FMNL3: variants seen among roughly 807,000 people sequenced by gnomAD.
The protein encoded by FMNL3 is formin like 3.
A neutral mutation model predicts 119.6 loss-of-function variants in FMNL3; 57 were observed. The ratio of observed to expected loss-of-function variants is 0.48; its 90% CI spans 0.39 to 0.59. The LOEUF (loss-of-function observed/expected upper bound fraction) is 0.59. Among genes scored for constraint, FMNL3 ranks in the 20% least tolerant of loss-of-function variants. FMNL3 has a pLI of 0.00. For synonymous variants in FMNL3, 491 were observed against 507.3 expected, an observed-to-expected ratio of 0.97 and a Z score of 0.43; for missense variants, 1,053 against 1,323.5, an observed-to-expected ratio of 0.80 and a Z score of 3.17.
At chr12:49,672,236 C>A (rs1472074424) in intron 1 of FMNL3, among the ~76,000 whole-genome samples, 2 of 152,154 alleles carry the variant, frequency 1.3e-5, no homozygotes, top group Non-Finnish European at 2.9e-5. Context: ...CTTCACTGAT[C>A]CTGCTCTGGC....
intron 1 of FMNL3, among the ~76,000 whole-genome samples, chr12:49,699,844 A>T (rs952795383): frequency 2.0e-5 from 3 of 152,242 alleles, no homozygotes; most frequent in Non-Finnish European, 1.5e-5. Context: ...AATTAATCAA[A>T]CTGGCAAAGG....
At chr12:49,676,021 C>A (rs1944176005) in intron 1 of FMNL3, among the ~76,000 whole-genome samples, 1 of 152,162 alleles carries the variant, frequency 6.6e-6, no homozygotes, top group Non-Finnish European at 1.5e-5. Flanking sequence ...TGACTCCCTA[C>A]CTACTACCTA....
At chr12:49,659,666 G>T in intron 5 of FMNL3, 2 of 625,554 alleles carry the variant, frequency 3.2e-6, no homozygotes, top group Non-Finnish European at 4.0e-6. Context: ...CTCTCATCTT[G>T]GCCTCCCAAA....
At chr12:49,678,641 T>G (rs1028538018) in intron 1 of FMNL3, among the ~76,000 whole-genome samples, 3 of 152,108 alleles carry the variant, frequency 2.0e-5, no homozygotes, top group Non-Finnish European at 4.4e-5. Context: ...TTTTGTATTT[T>G]TAGTAGAGAC....
chr12:49,648,148 G>A (rs935886146), intron 22 of FMNL3, 45 bp downstream of exon 22: 7 of 1,573,972 alleles, frequency 4.4e-6, no homozygotes, highest in Non-Finnish European at 6.0e-6. Context: ...GAGGGGCCTG[G>A]TGCCTTGGCC....
intron 13 of FMNL3, among the ~76,000 whole-genome samples, chr12:49,652,587 C>T (rs566156076): frequency 1.9e-4 from 29 of 152,150 alleles, no homozygotes; most frequent in South Asian, 4.1e-4. Flanking sequence ...TTTCACTTGG[C>T]CTTGTATAAT....
chr12:49,680,619 G>A (rs2138944202), intron 1 of FMNL3, among the ~76,000 whole-genome samples: 1 of 152,270 alleles, frequency 6.6e-6, no homozygotes, highest in East Asian at 1.9e-4. Flanking sequence ...TCGTTTGATT[G>A]TACAGCTAGG....
Position 49,642,856 on chromosome 12 carries a change from G to A in FMNL3, c.*2959C>T. The A allele has an allele frequency of 6.6e-7, 1 of 1,524,242 alleles. No homozygotes were observed. Among genetic ancestry groups the A allele is most frequent in the Non-Finnish European group, 8.9e-7 (1 of 1,120,300 alleles). 94.4% of individuals were successfully genotyped at this position (1,524,242 alleles called of 1,614,324 possible). A position where few individuals can be genotyped will look rare whatever the true frequency, so the allele number is the denominator to read the frequency against. On this transcript the variant is annotated 3_prime_UTR_variant, in exon 26 of 26. Coordinates refer to ENST00000335154, the MANE Select transcript of FMNL3 (RefSeq NM_175736.5). The surrounding 1 kb of genome is among the most constrained non-coding windows in gnomAD (Gnocchi z 5.8). ...AGTCTGAGAAAGGGAGGCAAAGCCA[G>A]ATTTTAGGAAGTAGGATCCTTCCTG...
chr12:49,705,336 C>A lies in FMNL3; in HGVS notation c.126+1719G>T, dbSNP rs574517927. On this transcript the variant is annotated intron_variant, in intron 1 of 25. Coordinates refer to ENST00000335154, the MANE Select transcript of FMNL3 (RefSeq NM_175736.5). The stretch of plus-strand genomic sequence containing the variant: ...GGTGTCCTGGTTAACTAGGACATCA[C>A]GTGCATTTTGTGAATATTAAGCCAT... Among the ~76,000 whole-genome samples, 83 of 152,274 alleles carry A rather than the reference C, an allele frequency of 5.5e-4. 1 individual carries two copies. The highest frequency in any genetic ancestry group is 1.8e-3 in the African/African-American group (76 of 41,548).
intron 25 of FMNL3, among the ~76,000 whole-genome samples, chr12:49,646,370 T>TCTG (rs1335235926): frequency 6.6e-6 from 1 of 152,182 alleles, no homozygotes; most frequent in East Asian, 1.9e-4. Context: ...TCTGGCCTGT[T>TCTG]CTCAACACTG....
intron 1 of FMNL3, among the ~76,000 whole-genome samples, chr12:49,671,785 T>C (rs1311434961): frequency 6.6e-6 from 1 of 152,196 alleles, no homozygotes; most frequent in Non-Finnish European, 1.5e-5. Context: ...ACAGACACTG[T>C]AGGCTCCCAG....
At chr12:49,655,104 C>T in intron 9 of FMNL3, 120 bp from the exon 10 acceptor site, 1 of 867,906 alleles carries the variant, frequency 1.2e-6, no homozygotes. Context: ...AACCACAGCT[C>T]TATATATGAA....
chr12:49,654,104 AT>A, intron 11 of FMNL3, 87 bp downstream of exon 11: 1 of 1,316,044 alleles, frequency 7.6e-7, no homozygotes, highest in Non-Finnish European at 1.1e-6. Context: ...AGCATCAAGG[AT>A]TAGGCACTTA....
Position 49,651,265 on chromosome 12 carries a change from G to C in FMNL3, c.1700C>G (p.Thr567Ser). The change falls in exon 16 of 26, where the codon ACC becomes AGC. Residue 567 changes from threonine to serine, a missense_variant. Transcript: ENST00000335154. Reference protein sequence around the residue: ...SAIRIKKPIKTKFRLPVFNWT... With the variant: ...SAIRIKKPIKSKFRLPVFNWT... ...GTTGAAGACAGGCAGCCGGAACTTG[G>C]TCTTGATAGGTTTCTTAATTCGAAT... 6.2e-7 allele frequency: 1 copy of C among 1,612,930 alleles called. No homozygotes were observed. Among genetic ancestry groups the C allele is most frequent in the Non-Finnish European group, 8.5e-7 (1 of 1,178,946 alleles).
At chr12:49,688,146 A>G (rs1944515326) in intron 1 of FMNL3, among the ~76,000 whole-genome samples, 1 of 152,232 alleles carries the variant, frequency 6.6e-6, no homozygotes, top group Non-Finnish European at 1.5e-5. Context: ...GGGCCAGCCT[A>G]GCCTAGCAGA....
At chr12:49,683,144 G>A (rs1226852369) in intron 1 of FMNL3, among the ~76,000 whole-genome samples, 1 of 152,166 alleles carries the variant, frequency 6.6e-6, no homozygotes, top group Non-Finnish European at 1.5e-5. Flanking sequence ...AGTCCTAGGA[G>A]TTGTCCCTCC....
intron 13 of FMNL3, 49 bp downstream of exon 13, chr12:49,653,177 G>T (rs150140162): frequency 1.3e-6 from 2 of 1,547,114 alleles, no homozygotes; most frequent in African/African-American, 1.4e-5. Flanking sequence ...ACCCCAAGGC[G>T]CTGGAGCCCA....
intron 2 of FMNL3, among the ~76,000 whole-genome samples, chr12:49,666,864 G>T (rs192657830): frequency 5.9e-5 from 9 of 152,220 alleles, no homozygotes; most frequent in African/African-American, 2.2e-4. Flanking sequence ...AATGGATATG[G>T]GTTAGGAAGG....
In FMNL3 at chr12:49,638,618, A is replaced by G. The variant is rs1565841708; in HGVS notation, c.*7197T>C. The stretch of plus-strand genomic sequence containing the variant: ...CCTTGTGTTCCAAAAGAAAAAAACA[A>G]AGAGCATATTTCTTTATGGAAGTGA... On this transcript the variant is annotated 3_prime_UTR_variant, in exon 26 of 26. Coordinates refer to ENST00000335154, the MANE Select transcript of FMNL3 (RefSeq NM_175736.5). The G allele has an allele frequency of 6.6e-6, 1 of 152,240 alleles. No individual in the cohort carries two copies. Among genetic ancestry groups the G allele is most frequent in the African/African-American group, 2.4e-5 (1 of 41,460 alleles). The allele number at this position is 152,240 out of a possible 1,614,324, so 9.4% of individuals were successfully genotyped here.
Sources: gnomAD v4.1 joint callset for allele counts (sites outside exome capture counted in the v4.1 genomes callset) on GRCh38, gnomAD v4.1.1 for gene constraint, Gnocchi (gnomAD v3.1) non-coding constraint, MANE v1.5 for transcripts, NCBI Gene and HGNC (gene_info 2026-07-23, HGNC 2026-07-21) for gene names.